Variants in POLR2F observed in about 807,000 individuals in gnomAD.
POLR2F encodes DNA-directed RNA polymerases I, II, and III subunit RPABC2.
POLR2F carries 12 observed loss-of-function variants against 22.7 expected under a neutral mutation model. The observed-to-expected ratio is 0.53, with a 90% CI of 0.34 to 0.86. POLR2F has a LOEUF of 0.86. Among genes scored for constraint, POLR2F ranks in the 40% least tolerant of loss-of-function variants. The pLI is 0.02. For missense variants in POLR2F, 126 were observed against 171.5 expected (o/e 0.73, Z 1.48); for synonymous variants, 57 against 66.0 (o/e 0.86, Z 0.66).
intron 1 of POLR2F, among the ~76,000 whole-genome samples, chr22:38,007,265 G>C (rs2084829865): frequency 6.6e-6 from 1 of 152,192 alleles, no homozygotes; most frequent in Non-Finnish European, 1.5e-5. Context: ...AGCCACCCAG[G>C]ACTGCCCAGG....
intron 1 of POLR2F, 24 bp from the exon 2 acceptor site, chr22:37,956,749 A>G (rs755074191): frequency 1.3e-6 from 2 of 1,595,422 alleles, no homozygotes; most frequent in East Asian, 4.5e-5. Flanking sequence ...TGCTCTAAGT[A>G]ACTGATCTCT....
upstream of POLR2F, among the ~76,000 whole-genome samples, chr22:37,981,958 A>C (rs1168387025): frequency 6.6e-6 from 1 of 152,146 alleles, no homozygotes; most frequent in Non-Finnish European, 1.5e-5. Flanking sequence ...CGGGATGTGA[A>C]TCTTTTGGTC....
upstream of POLR2F, chr22:37,986,175 G>T (rs1342314939): frequency 4.5e-6 from 7 of 1,542,090 alleles, no homozygotes; most frequent in East Asian, 4.9e-5. The surrounding 1 kb of genome is among the most constrained non-coding windows in gnomAD (Gnocchi z 4.7). Flanking sequence ...CCTCAGAACC[G>T]CCCGGAGAGG....
intron 5 of POLR2F, among the ~76,000 whole-genome samples, chr22:38,034,616 C>A (rs953849153): frequency 6.6e-6 from 1 of 152,180 alleles, no homozygotes; most frequent in Non-Finnish European, 1.5e-5. Flanking sequence ...AGCCCTGGAC[C>A]CCTCTCTGAG....
intron 3 of POLR2F, among the ~76,000 whole-genome samples, chr22:37,964,231 AAG>A (rs1931764134): frequency 6.6e-6 from 1 of 152,084 alleles, no homozygotes; most frequent in Non-Finnish European, 1.5e-5. Flanking sequence ...GAAAGGTACA[AAG>A]AGAGTTATTG....
At chr22:38,027,257 G>T (rs75359613), downstream of POLR2F, among the ~76,000 whole-genome samples, 6,884 of 152,240 alleles carry the variant, frequency 0.045, 277 homozygotes, top group African/African-American at 0.1. Flanking sequence ...CTCCCATGCT[G>T]GGTGAGGGGC....
rs1299241007 is a variant in POLR2F, at chr22:37,986,514, C to T, written c.120+202C>T. ...CTAACTCCCTGCTTCCTCCTTTGCCCTCCTTGGTCCAGCTGTGCCAGGATG... is the reference window on the plus strand; with the variant it reads ...CTAACTCCCTGCTTCCTCCTTTGCCTTCCTTGGTCCAGCTGTGCCAGGATG... On this transcript the variant is annotated intron_variant, in intron 1 of 2. Coordinates refer to the POLR2F transcript ENST00000333418. This position sits in a 1 kb window ranked among gnomAD's most constrained non-coding sequence, Gnocchi z 4.7. The T allele has an allele frequency of 5.6e-6, 7 of 1,251,416 alleles. No individual in the cohort carries two copies. The highest frequency in any genetic ancestry group is 7.9e-6 in the Non-Finnish European group (7 of 887,770). 77.5% of individuals were successfully genotyped at this position (1,251,416 alleles called of 1,614,324 possible). A position where few individuals can be genotyped will look rare whatever the true frequency, so the allele number is the denominator to read the frequency against.
At chr22:38,010,817 A>G (rs552003340) in intron 1 of POLR2F, among the ~76,000 whole-genome samples, 154 of 152,142 alleles carry the variant, frequency 1.0e-3, no homozygotes, top group African/African-American at 3.5e-3. Context: ...GGGTTTCGCC[A>G]TGCAGGCCAG....
At chr22:38,010,297 C>T (rs1039954025) in intron 1 of POLR2F, among the ~76,000 whole-genome samples, 2 of 151,832 alleles carry the variant, frequency 1.3e-5, no homozygotes, top group African/African-American at 2.4e-5. Flanking sequence ...ATTGATTGAA[C>T]GCAGGAGTTT....
intron 3 of POLR2F, among the ~76,000 whole-genome samples, chr22:37,960,575 T>C (rs866699930): frequency 2.0e-5 from 3 of 152,074 alleles, no homozygotes; most frequent in Middle Eastern, 3.4e-3. Flanking sequence ...CTTTTTGTAT[T>C]TTTAGTGGAG....
intron 1 of POLR2F, among the ~76,000 whole-genome samples, chr22:37,994,757 T>G (rs1260152306): frequency 6.6e-6 from 1 of 152,186 alleles, no homozygotes; most frequent in Admixed American, 6.5e-5. Flanking sequence ...CCACCCGCCT[T>G]GGCCTCCCAA....
intron 1 of POLR2F, among the ~76,000 whole-genome samples, chr22:38,020,206 T>TACACACACACACAC (rs112285508): frequency 1.4e-5 from 2 of 144,710 alleles, no homozygotes; most frequent in Admixed American, 1.4e-4. Flanking sequence ...CACACATATA[T>TACACACACACACAC]ACACACACAC....
At chr22:37,963,680 G>T (rs1931739430) in intron 3 of POLR2F, among the ~76,000 whole-genome samples, 1 of 152,164 alleles carries the variant, frequency 6.6e-6, no homozygotes, top group Admixed American at 6.5e-5. Flanking sequence ...GCTAAAAGTG[G>T]CCCAGTAGAA....
At position 37,965,696 on chromosome 22, in the gene POLR2F, C is replaced by A. The variant is rs567384318; in HGVS notation, c.222-1403C>A. 7.9e-5 allele frequency among the ~76,000 whole-genome samples: 12 copies of A among 152,204 alleles called. 1 individual carries two copies. The East Asian group carries it at 1.2e-3, about 15-fold the overall frequency. On this transcript the variant is annotated intron_variant, in intron 3 of 4. Coordinates refer to ENST00000442738, the MANE Select transcript of POLR2F (RefSeq NM_021974.5). The stretch of plus-strand genomic sequence containing the variant: ...TCAGGCTTTTGGGAGTAATATAAAT[C>A]GAAATATTTAGTAATAAAATTAGTA...
rs1265829375 is a variant in POLR2F at position 37,953,997 on chromosome 22, G to C, written c.20+190G>C. 4.6e-6 allele frequency: 3 copies of C among 648,566 alleles called. No homozygotes were observed. The Admixed American group carries it at 9.0e-5, about 19-fold the overall frequency. 40.2% of individuals were successfully genotyped at this position (648,566 alleles called of 1,614,324 possible). A position where few individuals can be genotyped will look rare whatever the true frequency, so the allele number is the denominator to read the frequency against. On this transcript the variant is annotated intron_variant, in intron 1 of 4. Transcript: ENST00000442738. ...CACAGCCCCGGCTGGAGGCACAGGAGGGCCCAGGCTCGAGGGTCCAGAGGG... is the reference window on the plus strand; with the variant it reads ...CACAGCCCCGGCTGGAGGCACAGGACGGCCCAGGCTCGAGGGTCCAGAGGG...
Position 37,978,161 on chromosome 22 carries a change from G to T in POLR2F, c.293+10991G>T. 1 of 1,519,502 alleles carries T rather than the reference G, an allele frequency of 6.6e-7. No homozygotes were observed. The highest frequency in any genetic ancestry group is 8.8e-7 in the Non-Finnish European group (1 of 1,134,312). 94.1% of individuals were successfully genotyped at this position (1,519,502 alleles called of 1,614,324 possible). ...CTGGGGTGTGGTGGGAGGCGGAGAG[G>T]ACAGCAGAGGGGCTGGCGTGAATGC... On this transcript the variant is annotated intron_variant, in intron 4 of 4. Transcript: ENST00000405557. The surrounding 1 kb of genome is among the most constrained non-coding windows in gnomAD (Gnocchi z 5.0).
intron 1 of POLR2F, among the ~76,000 whole-genome samples, chr22:37,954,936 G>A (rs964841522): frequency 5.3e-5 from 8 of 152,132 alleles, no homozygotes; most frequent in Non-Finnish European, 8.8e-5. Flanking sequence ...GGAGTCAAGT[G>A]AGGAGAGCAA....
At chr22:38,019,441 A>T (rs2084941830) in intron 1 of POLR2F, among the ~76,000 whole-genome samples, 1 of 151,870 alleles carries the variant, frequency 6.6e-6, no homozygotes, top group Non-Finnish European at 1.5e-5. Context: ...CCTCACAAGG[A>T]CCTCCTTGGG....
intron 1 of POLR2F, among the ~76,000 whole-genome samples, chr22:38,022,551 CA>C (rs376987789): frequency 0.014 from 784 of 55,846 alleles, 6 homozygotes; most frequent in African/African-American, 0.038. Context: ...AACGCTGTCT[CA>C]AAAAAAAAAA....
Sources: allele counts gnomAD v4.1 joint callset (sites outside exome capture counted in the v4.1 genomes callset), GRCh38; gene constraint gnomAD v4.1.1; non-coding constraint Gnocchi (gnomAD v3.1); transcripts MANE v1.5; gene names NCBI Gene and HGNC (gene_info 2026-07-23, HGNC 2026-07-21).